MOSMO: variants seen among roughly 807,000 people sequenced by gnomAD.
MOSMO encodes the protein modulator of smoothened.
In MOSMO, 5 loss-of-function variants were observed where a neutral mutation model predicts 18.4. The observed-to-expected ratio is 0.27, with a 90% CI of 0.14 to 0.57. MOSMO has a LOEUF of 0.57. Among genes scored for constraint, MOSMO ranks in the 20% least tolerant of loss-of-function variants. The pLI is 0.92. For synonymous variants in MOSMO, 82 were observed against 82.3 expected (o/e 1.00, Z 0.02); for missense variants, 138 against 211.8 (o/e 0.65, Z 2.16).
chr16:22,075,489 G>A lies in MOSMO; in HGVS notation c.109G>A (p.Ala37Thr). ...TCCCACCATTTGCATCTCCCCAGGA[G>A]CACTCACTGTGGGCCTCGTGCGACA... ...DWINTGESAG[A>T]LTVGLVRQCQ... Residue 37 changes from alanine (A) to threonine (T), a missense_variant and splice_region_variant, in exon 2 of 3, where the codon GCA becomes ACA. Coordinates refer to ENST00000542527, the MANE Select transcript of MOSMO (RefSeq NM_001164579.2). The A allele has an allele frequency of 6.5e-7, 1 of 1,537,076 alleles. No individual in the cohort carries two copies.
intron 1 of MOSMO, among the ~76,000 whole-genome samples, chr16:22,063,762 CTA>C (rs1237279042): frequency 6.6e-6 from 1 of 152,162 alleles, no homozygotes. Flanking sequence ...ACATCTCCCT[CTA>C]TATATATGTT....
rs1300423076 is a variant in MOSMO at position 22,075,585 on chromosome 16, C to G, written c.205C>G (p.Leu69Val). The G allele has an allele frequency of 6.5e-7, 1 of 1,537,202 alleles. No homozygotes were observed. Among genetic ancestry groups the G allele is most frequent in the African/African-American group, 1.4e-5 (1 of 73,050 alleles). ...GCTTCCCCCGGAGTGGGTCACCACA[C>G]TGTTTTTTATCATCATGGGAATCAT... ...PRLPPEWVTT[L>V]FFIIMGIISL... The change falls in exon 2 of 3, where the codon CTG becomes GTG. Residue 69 changes from leucine to valine, a missense_variant. Physicochemically the swap from Leu to Val is conservative, Grantham distance 32. Transcript: ENST00000542527.
chr16:22,081,045 T>G lies in MOSMO; in HGVS notation c.*165T>G. ...GAAAAAAAAATGCTTTGGTTTGTTCTCACTATGCACTTTGGATTTAAAAAA... is the reference window on the plus strand; with the variant it reads ...GAAAAAAAAATGCTTTGGTTTGTTCGCACTATGCACTTTGGATTTAAAAAA... On this transcript the variant is annotated 3_prime_UTR_variant, in exon 3 of 3. Coordinates refer to ENST00000542527, the MANE Select transcript of MOSMO (RefSeq NM_001164579.2). 3.3e-6 allele frequency: 1 copy of G among 306,770 alleles called. No homozygotes were observed. The highest frequency in any genetic ancestry group is 5.9e-6 in the Non-Finnish European group (1 of 170,038). 19.0% of individuals were successfully genotyped at this position (306,770 alleles called of 1,614,324 possible).
downstream of MOSMO, among the ~76,000 whole-genome samples, chr16:22,090,939 G>C (rs1901300305): frequency 6.6e-6 from 1 of 152,060 alleles, no homozygotes; most frequent in Non-Finnish European, 1.5e-5. Flanking sequence ...TTCCAGTGTT[G>C]GACTTTACTT....
intron 1 of MOSMO, among the ~76,000 whole-genome samples, chr16:22,061,357 A>T (rs542830104): frequency 6.6e-6 from 1 of 152,336 alleles, no homozygotes; most frequent in East Asian, 1.9e-4. Flanking sequence ...GTAAAATGGG[A>T]CAGTAGACCA....
At chr16:22,063,239 C>T (rs1222249710) in intron 1 of MOSMO, among the ~76,000 whole-genome samples, 1 of 152,154 alleles carries the variant, frequency 6.6e-6, no homozygotes, top group African/African-American at 2.4e-5. Flanking sequence ...ACATACATGA[C>T]TAAATGGTTT....
rs559041520 is a variant in MOSMO, at chr16:22,011,652, G to A, written c.106+3245G>A. On this transcript the variant is annotated intron_variant, in intron 1 of 2. Coordinates refer to ENST00000542527, the MANE Select transcript of MOSMO (RefSeq NM_001164579.2). ...GTAACAGTGACAATGTGTGGCTGAT[G>A]TGGGATCGAGGAAGTGATTGTTTTT... is the stretch of plus-strand genomic sequence containing the variant. 3.9e-5 allele frequency among the ~76,000 whole-genome samples: 6 copies of A among 152,196 alleles called. No homozygotes were observed. The South Asian group carries it at 1.2e-3, about 32-fold the overall frequency.
At chr16:22,034,010 G>A (rs1898587889) in intron 1 of MOSMO, among the ~76,000 whole-genome samples, 3 of 152,090 alleles carry the variant, frequency 2.0e-5, no homozygotes, top group Admixed American at 6.5e-5. Context: ...TTGCACGATG[G>A]TCAAGTTGAA....
chr16:22,092,351 T>A (rs1901357047), downstream of MOSMO: 1 of 364,580 alleles, frequency 2.7e-6, no homozygotes, highest in Admixed American at 3.8e-5. Context: ...GAGGTCTAAA[T>A]CCTGCTTCCA....
downstream of MOSMO, among the ~76,000 whole-genome samples, chr16:22,085,442 T>C (rs1901153142): frequency 6.6e-6 from 1 of 152,118 alleles, no homozygotes; most frequent in Non-Finnish European, 1.5e-5. Flanking sequence ...GATTAGAGGT[T>C]TTTGGGGGGT....
intron 2 of MOSMO, among the ~76,000 whole-genome samples, chr16:22,077,224 T>C (rs1280622087): frequency 6.6e-6 from 1 of 152,130 alleles, no homozygotes; most frequent in Non-Finnish European, 1.5e-5. Context: ...TTTAGCAAGG[T>C]AGTGTGAGTC....
At chr16:22,042,172 A>G (rs1356149208) in intron 1 of MOSMO, among the ~76,000 whole-genome samples, 1 of 152,144 alleles carries the variant, frequency 6.6e-6, no homozygotes, top group Non-Finnish European at 1.5e-5. Flanking sequence ...TGAGAGAACT[A>G]AGAGTGTGAA....
At chr16:22,089,943 G>A (rs953045558), downstream of MOSMO, 2 of 151,682 alleles carry the variant, frequency 1.3e-5, no homozygotes, top group African/African-American at 4.9e-5. Flanking sequence ...TTTCCTGAGA[G>A]GCATGTTTGC....
At chr16:22,039,226 G>A (rs1322378320) in intron 1 of MOSMO, among the ~76,000 whole-genome samples, 1 of 152,046 alleles carries the variant, frequency 6.6e-6, no homozygotes. Flanking sequence ...GCATAGTTTG[G>A]GATACATGAT....
intron 1 of MOSMO, among the ~76,000 whole-genome samples, chr16:22,074,326 C>T (rs1170745556): frequency 2.0e-5 from 3 of 152,138 alleles, no homozygotes; most frequent in African/African-American, 7.2e-5. Flanking sequence ...TCTCAGCACA[C>T]TGGAAGGCCA....
intron 1 of MOSMO, among the ~76,000 whole-genome samples, chr16:22,034,317 T>C (rs1032005651): frequency 1.6e-4 from 25 of 152,336 alleles, no homozygotes; most frequent in African/African-American, 5.1e-4. Flanking sequence ...TTTCTTTCCT[T>C]ATGTAGGTCC....
chr16:22,064,306 C>G (rs1469831520), intron 1 of MOSMO: 1 of 456,334 alleles, frequency 2.2e-6, no homozygotes, highest in Non-Finnish European at 4.4e-6. Context: ...AAGAATTAAC[C>G]TACCAAATTT....
intron 1 of MOSMO, among the ~76,000 whole-genome samples, chr16:22,073,915 G>A (rs538482594): frequency 3.3e-5 from 5 of 152,168 alleles, no homozygotes; most frequent in East Asian, 3.9e-4. Context: ...GATGACTTGG[G>A]AGAAAAAGTA....
At chr16:22,016,639 C>G (rs1263119427) in intron 1 of MOSMO, among the ~76,000 whole-genome samples, 3 of 152,114 alleles carry the variant, frequency 2.0e-5, no homozygotes, top group Non-Finnish European at 4.4e-5. Flanking sequence ...GAAAGACAGC[C>G]TAGCATAGTG....
Sources: gnomAD v4.1 joint callset for allele counts (sites outside exome capture counted in the v4.1 genomes callset) on GRCh38, gnomAD v4.1.1 for gene constraint, MANE v1.5 for transcripts, NCBI Gene and HGNC (gene_info 2026-07-23, HGNC 2026-07-21) for gene names.